The following SCEL variants were observed in gnomAD, a reference collection of about 807,000 sequenced individuals.
SCEL encodes sciellin.
Under a neutral mutation model 117.6 loss-of-function variants are expected in SCEL, and 113 were observed. The observed-to-expected ratio is 0.96, with a 90% CI of 0.83 to 1.12. The LOEUF (loss-of-function observed/expected upper bound fraction) is 1.12. Ranked by LOEUF, SCEL falls within the 50% of genes most tolerant of loss-of-function variation. The pLI, the probability that SCEL is intolerant of heterozygous loss-of-function variation, is 0.00. For missense variants in SCEL, 785 were observed against 810.8 expected (o/e 0.97, Z 0.39); for synonymous variants, 270 against 256.2 (o/e 1.05, Z -0.51).
At chr13:77,544,521 T>C (rs1367862710) in intron 1 of SCEL, among the ~76,000 whole-genome samples, 2 of 152,156 alleles carry the variant, frequency 1.3e-5, no homozygotes, top group African/African-American at 4.8e-5. Context: ...TTCTTGGCAC[T>C]GGGACAGGAA....
chr13:77,554,479 C>T (rs900063323), intron 1 of SCEL, among the ~76,000 whole-genome samples: 1 of 152,136 alleles, frequency 6.6e-6, no homozygotes, highest in African/African-American at 2.4e-5. Context: ...TACGTTGACC[C>T]AAAGCAGTGT....
At chr13:77,643,642 A>G (rs2090664759) in intron 32 of SCEL, among the ~76,000 whole-genome samples, 1 of 152,150 alleles carries the variant, frequency 6.6e-6, no homozygotes, top group South Asian at 2.1e-4. Context: ...CTGGGATCCA[A>G]AGTATGGAAT....
chr13:77,599,417 T>A (rs1455852375), intron 14 of SCEL, 29 bp downstream of exon 14: 3 of 1,577,044 alleles, frequency 1.9e-6, no homozygotes. Flanking sequence ...AATATGAAAA[T>A]CTTACCTTGC....
intron 24 of SCEL, among the ~76,000 whole-genome samples, chr13:77,616,066 A>G (rs2154403661): frequency 6.7e-6 from 1 of 149,054 alleles, no homozygotes; most frequent in Middle Eastern, 3.5e-3. Context: ...AAAAGACAGT[A>G]TTAGGCTGTG....
intron 3 of SCEL, among the ~76,000 whole-genome samples, 186 bp from the exon 4 acceptor site, chr13:77,559,618 C>A (rs2084860335): frequency 1.3e-5 from 2 of 152,302 alleles, no homozygotes; most frequent in South Asian, 4.1e-4. Flanking sequence ...AAACTTGTTT[C>A]TTTTCTCATG....
chr13:77,628,170 G>GTACA (rs2089852438), intron 28 of SCEL, among the ~76,000 whole-genome samples, 161 bp downstream of exon 28: 1 of 139,740 alleles, frequency 7.2e-6, no homozygotes, highest in African/African-American at 2.7e-5. Flanking sequence ...ATATGTGTGT[G>GTACA]TATATATATA....
intron 27 of SCEL, among the ~76,000 whole-genome samples, chr13:77,618,973 G>T (rs1016499918): frequency 2.0e-5 from 3 of 152,128 alleles, no homozygotes; most frequent in Non-Finnish European, 4.4e-5. Context: ...TTTGCTATTT[G>T]ATATCTTTCA....
At chr13:77,613,827 G>T in intron 23 of SCEL, 66 bp from the exon 24 acceptor site, 1 of 1,224,280 alleles carries the variant, frequency 8.2e-7, no homozygotes. Context: ...TGAATGACTT[G>T]CACCTGTCAA....
intron 3 of SCEL, among the ~76,000 whole-genome samples, chr13:77,559,510 A>AAACACAACACAACACAACAC (rs5804911): frequency 6.6e-6 from 1 of 151,174 alleles, no homozygotes; most frequent in African/African-American, 2.4e-5. Context: ...CAGTCTGATA[A>AAACACAACACAACACAACAC]AACACAACAC....
rs1429649965 is a variant in SCEL at position 77,617,503 on chromosome 13, ATG to A, written c.1452-94_1452-93del. ...CATAGTTAGTCAATACTAAAATAAT[ATG>A]TCTCATACTATTATCCTTTCTATCC... On this transcript the variant is annotated intron_variant, in intron 24 of 32. Coordinates refer to ENST00000349847, the MANE Select transcript of SCEL (RefSeq NM_144777.3). 4 of 682,224 alleles carry A rather than the reference ATG, an allele frequency of 5.9e-6. No homozygotes were observed. The Admixed American group carries it at 9.1e-5, about 15-fold the overall frequency. 42.3% of individuals were successfully genotyped at this position (682,224 alleles called of 1,614,324 possible).
chr13:77,536,273 A>T (rs968522423), intron 1 of SCEL, among the ~76,000 whole-genome samples: 4 of 152,102 alleles, frequency 2.6e-5, no homozygotes, highest in African/African-American at 9.7e-5. Context: ...AGTCATATTT[A>T]TTTTTTTCTC....
chr13:77,563,707 T>G (rs1485684298), intron 4 of SCEL, 124 bp from the exon 5 acceptor site: 7 of 626,076 alleles, frequency 1.1e-5, no homozygotes, highest in Non-Finnish European at 1.8e-5. Context: ...CTATCTTTCC[T>G]TGGTAACATG....
chr13:77,602,626 C>T (rs2087790807), intron 16 of SCEL, 28 bp from the exon 17 acceptor site: 1 of 1,597,536 alleles, frequency 6.3e-7, no homozygotes, highest in South Asian at 1.1e-5. Flanking sequence ...TGTAACCTAA[C>T]TGACAAGTTT....
rs1286577199 is a variant in SCEL at position 77,601,606 on chromosome 13, G to A, written c.918-459G>A. On this transcript the variant is annotated intron_variant, in intron 15 of 32. Transcript: ENST00000349847. ...TTTTGACTTTACCAAGGTGACTTCA[G>A]ACCCTTTAAACACATCTGCTAACTT... Among the ~76,000 whole-genome samples, 4 of 152,230 alleles carry A rather than the reference G, an allele frequency of 2.6e-5. No homozygotes were observed. In the South Asian group the frequency reaches 6.2e-4, roughly 24 times the overall value.
chr13:77,619,211 C>A (rs1275167377), intron 27 of SCEL, among the ~76,000 whole-genome samples: 1 of 152,320 alleles, frequency 6.6e-6, no homozygotes, highest in South Asian at 2.1e-4. Context: ...CTAACTCTTA[C>A]ATCTCCTAGC....
rs2086191247 is a variant in SCEL, at chr13:77,580,238, G to A, written c.545+8049G>A. Among the ~76,000 whole-genome samples the A allele has an allele frequency of 5.9e-5, 9 of 152,290 alleles. No individual in the cohort carries two copies. The South Asian group carries it at 1.9e-3, about 32-fold the overall frequency. ...CATCAATGTAGAAAATTACTAGAAG[G>A]TCAGAGCCATGTTCCCCTCTTCCCA... is the stretch of plus-strand genomic sequence containing the variant. On this transcript the variant is annotated intron_variant, in intron 9 of 32. Coordinates refer to ENST00000349847, the MANE Select transcript of SCEL (RefSeq NM_144777.3).
intron 32 of SCEL, 124 bp downstream of exon 32, chr13:77,642,932 C>G: frequency 1.9e-6 from 1 of 515,728 alleles, no homozygotes; most frequent in Non-Finnish European, 3.4e-6. Context: ...AATAATTCAG[C>G]TGCAGATATT....
chr13:77,565,228 A>G (rs1324873284), intron 5 of SCEL, among the ~76,000 whole-genome samples: 1 of 152,200 alleles, frequency 6.6e-6, no homozygotes, highest in African/African-American at 2.4e-5. Flanking sequence ...TTAGCTATAA[A>G]TTAGTACCAC....
chr13:77,628,170 G>GTGTATA (rs10700333), intron 28 of SCEL, among the ~76,000 whole-genome samples, 161 bp downstream of exon 28: 3,720 of 139,672 alleles, frequency 0.027, 63 homozygotes, highest in East Asian at 0.062. Context: ...ATATGTGTGT[G>GTGTATA]TATATATATA....
Sources: gnomAD v4.1 joint callset for allele counts (sites outside exome capture counted in the v4.1 genomes callset) on GRCh38, gnomAD v4.1.1 for gene constraint, MANE v1.5 for transcripts, NCBI Gene and HGNC (gene_info 2026-07-23, HGNC 2026-07-21) for gene names.